The following CRTAC1 variants were observed in gnomAD, a reference collection of about 807,000 sequenced individuals.
CRTAC1 encodes cartilage acidic protein 1, also known as acidic secreted protein in cartilage.
Under a neutral mutation model 67.8 loss-of-function variants are expected in CRTAC1, and 37 were observed. The observed-to-expected ratio is 0.55, with a 90% CI of 0.42 to 0.72. The LOEUF (loss-of-function observed/expected upper bound fraction) is 0.72, where lower values mean the gene tolerates loss of function less well. Among genes scored for constraint, CRTAC1 ranks in the 30% least tolerant of loss-of-function variants. The pLI is 0.00. For synonymous variants in CRTAC1, 348 were observed against 371.0 expected (o/e 0.94, Z 0.71); for missense variants, 780 against 931.6 (o/e 0.84, Z 2.12).
chr10:97,898,338 A>G (rs529603515), intron 8 of CRTAC1, among the ~76,000 whole-genome samples: 1 of 152,250 alleles, frequency 6.6e-6, no homozygotes, highest in African/African-American at 2.4e-5. Flanking sequence ...AGAGTTGGGG[A>G]AGCTCACCCA....
intron 3 of CRTAC1, 80 bp from the exon 4 acceptor site, chr10:97,923,480 C>A: frequency 7.6e-6 from 12 of 1,574,398 alleles, no homozygotes; most frequent in Admixed American, 1.7e-5. Context: ...TCTCATGGCA[C>A]CTTTCACAAG....
intron 14 of CRTAC1, among the ~76,000 whole-genome samples, chr10:97,879,013 T>A (rs550334668): frequency 6.6e-6 from 1 of 152,274 alleles, no homozygotes; most frequent in East Asian, 1.9e-4. Context: ...TTTCAAAGCA[T>A]CTCATGGTGG....
At chr10:97,889,795 C>G (rs1030027127) in intron 11 of CRTAC1, among the ~76,000 whole-genome samples, 2 of 152,224 alleles carry the variant, frequency 1.3e-5, no homozygotes, top group Admixed American at 6.5e-5. Context: ...GGGGCAGGGG[C>G]CCTGGGGGCA....
chr10:97,992,134 G>A (rs993805265), intron 2 of CRTAC1, among the ~76,000 whole-genome samples: 1 of 152,202 alleles, frequency 6.6e-6, no homozygotes, highest in African/African-American at 2.4e-5. Flanking sequence ...GCTGATGGGA[G>A]TTGGGGGAGT....
At chr10:97,918,794 TG>T (rs902772779) in intron 4 of CRTAC1, among the ~76,000 whole-genome samples, 8 of 79,930 alleles carry the variant, frequency 1.0e-4, no homozygotes, top group African/African-American at 2.2e-4. Context: ...TGGTGTTTTT[TG>T]TTTTTTTTTT....
chr10:98,010,079 G>A (rs950826063), intron 2 of CRTAC1, among the ~76,000 whole-genome samples: 15 of 148,734 alleles, frequency 1.0e-4, no homozygotes, highest in African/African-American at 2.2e-4. Flanking sequence ...TTGCTCTGTC[G>A]CCCAGGCTGG....
At chr10:97,942,882 C>T (rs1411287269) in intron 2 of CRTAC1, among the ~76,000 whole-genome samples, 1 of 151,282 alleles carries the variant, frequency 6.6e-6, no homozygotes. Flanking sequence ...GCCTGGGCAA[C>T]ATAGTGACAC....
intron 2 of CRTAC1, among the ~76,000 whole-genome samples, chr10:97,989,255 C>A (rs1391075360): frequency 6.6e-6 from 1 of 152,064 alleles, no homozygotes; most frequent in African/African-American, 2.4e-5. Context: ...ATAAATAAAT[C>A]AATCTCTCTC....
At chr10:97,952,406 T>C (rs942097637) in intron 2 of CRTAC1, among the ~76,000 whole-genome samples, 1 of 150,686 alleles carries the variant, frequency 6.6e-6, no homozygotes, top group Admixed American at 6.6e-5. Context: ...GGCGAGTTGG[T>C]GGGCACCTGT....
chr10:97,900,574 G>A (rs902281430), intron 8 of CRTAC1, among the ~76,000 whole-genome samples: 5 of 129,404 alleles, frequency 3.9e-5, no homozygotes, highest in East Asian at 2.2e-4. Context: ...ATTGGAGCCC[G>A]TAGCCCCTTT....
intron 2 of CRTAC1, among the ~76,000 whole-genome samples, chr10:97,964,635 C>T (rs1331940415): frequency 6.6e-6 from 1 of 152,198 alleles, no homozygotes; most frequent in African/African-American, 2.4e-5. Flanking sequence ...TTTGGGAAGG[C>T]TTGCCGACCA....
At chr10:98,001,337 A>C (rs1842684488) in intron 2 of CRTAC1, among the ~76,000 whole-genome samples, 1 of 152,204 alleles carries the variant, frequency 6.6e-6, no homozygotes, top group Non-Finnish European at 1.5e-5. Flanking sequence ...TCTACCTTTT[A>C]CCATCTCTGT....
At chr10:97,866,023 C>T (rs1251647648) in intron 14 of CRTAC1, 1 of 359,770 alleles carries the variant, frequency 2.8e-6, no homozygotes, top group African/African-American at 2.0e-5. Context: ...CTCTCTTCCA[C>T]AGCCCCTCTC....
rs139276219 is a variant in CRTAC1, at chr10:97,891,630, A to G, written c.1486+3615T>C. Reference sequence around the variant, plus strand: ...GCATTTCTTCTCTGCCTCTTTCCCCATGTCTCTGCCTCTCTTGGTCTTCCA... The same window carrying G: ...GCATTTCTTCTCTGCCTCTTTCCCCGTGTCTCTGCCTCTCTTGGTCTTCCA... On this transcript the variant is annotated intron_variant, in intron 11 of 14. Transcript: ENST00000370597. 5.4e-4 allele frequency among the ~76,000 whole-genome samples: 82 copies of G among 152,160 alleles called. 1 individual carries two copies. In the East Asian group the frequency reaches 0.012, roughly 22 times the overall value.
chr10:97,929,897 AG>A (rs2050977631), intron 3 of CRTAC1, among the ~76,000 whole-genome samples: 1 of 152,244 alleles, frequency 6.6e-6, no homozygotes, highest in African/African-American at 2.4e-5. Flanking sequence ...AAAACCAGCA[AG>A]ACAGTGATGG....
intron 1 of CRTAC1, 60 bp from the exon 2 acceptor site, chr10:98,011,397 A>G (rs1004658420): frequency 1.3e-6 from 2 of 1,599,972 alleles, no homozygotes; most frequent in South Asian, 2.2e-5. Flanking sequence ...ATCCCGGAAC[A>G]TTAAAGTCCT....
chr10:97,996,105 C>G (rs554735787), intron 2 of CRTAC1, among the ~76,000 whole-genome samples: 1 of 151,578 alleles, frequency 6.6e-6, no homozygotes, highest in Non-Finnish European at 1.5e-5. Context: ...AAGACTTAAA[C>G]GTTAGACCTA....
intron 2 of CRTAC1, among the ~76,000 whole-genome samples, chr10:97,963,886 G>T (rs2051568940): frequency 6.6e-6 from 1 of 152,236 alleles, no homozygotes; most frequent in Admixed American, 6.5e-5. Context: ...TGTAACTTGT[G>T]TAAGGACACA....
intron 1 of CRTAC1, among the ~76,000 whole-genome samples, chr10:98,022,413 C>T (rs1315383218): frequency 6.6e-6 from 1 of 151,814 alleles, no homozygotes; most frequent in African/African-American, 2.4e-5. Flanking sequence ...GAGACAGGTA[C>T]AAAGCCTCGA....
Sources: allele counts gnomAD v4.1 joint callset (sites outside exome capture counted in the v4.1 genomes callset), GRCh38; gene constraint gnomAD v4.1.1; transcripts MANE v1.5; gene names NCBI Gene and HGNC (gene_info 2026-07-23, HGNC 2026-07-21).